Variants in IGSF11 observed in about 807,000 individuals in gnomAD.
IGSF11 encodes immunoglobulin superfamily member 11.
IGSF11 carries 22 observed loss-of-function variants against 41.0 expected under a neutral mutation model. The observed-to-expected ratio is 0.54, with a 90% CI of 0.38 to 0.77. The LOEUF is 0.77. IGSF11 is among the 30% of genes least tolerant of loss of function. IGSF11 has a pLI of 0.00. For synonymous variants in IGSF11, 219 were observed against 201.3 expected, an observed-to-expected ratio of 1.09 and a Z score of -0.74; for missense variants, 444 against 530.8, an observed-to-expected ratio of 0.84 and a Z score of 1.61.
chr3:119,140,123 A>G (rs917775220), intron 1 of IGSF11, among the ~76,000 whole-genome samples: 1 of 151,670 alleles, frequency 6.6e-6, no homozygotes, highest in African/African-American at 2.4e-5. Context: ...ATAAAATAAT[A>G]AAATAAAACA....
rs529039505 is a variant in IGSF11, at chr3:119,054,476, A to G, written c.49+50668T>C. ...TTAAGAAATGCAAGTCAAAACCACAATGTGATACCACCTTACTCCTGCAAG... is the reference window on the plus strand; with the variant it reads ...TTAAGAAATGCAAGTCAAAACCACAGTGTGATACCACCTTACTCCTGCAAG... On this transcript the variant is annotated intron_variant, in intron 1 of 6. Transcript: ENST00000354673. Among the ~76,000 whole-genome samples the G allele has an allele frequency of 1.4e-4, 22 of 152,310 alleles. No homozygotes were observed. In the South Asian group the frequency reaches 4.1e-3, roughly 29 times the overall value.
At chr3:119,088,308 C>T (rs766919935) in intron 1 of IGSF11, among the ~76,000 whole-genome samples, 5 of 151,384 alleles carry the variant, frequency 3.3e-5, no homozygotes, top group Non-Finnish European at 5.9e-5. Context: ...AATTAAACAA[C>T]TTACTTCTAA....
In IGSF11 at chr3:118,915,981, C is replaced by T. The variant is rs1285714416; in HGVS notation, c.580+10120G>A. Among the ~76,000 whole-genome samples, 13 of 135,346 alleles carry T rather than the reference C, an allele frequency of 9.6e-5. 1 individual carries two copies. The South Asian group carries it at 3.2e-3, about 33-fold the overall frequency. The allele number at this position is 135,346 out of a possible 152,430, so 88.8% of individuals were successfully genotyped here. ...ATTCTTAAAGAAAAGAATTTTCAAC[C>T]CAGAATTTCATATCCAGCCAAACTA... is the stretch of plus-strand genomic sequence containing the variant. On this transcript the variant is annotated intron_variant, in intron 4 of 6. Coordinates refer to ENST00000393775, the MANE Select transcript of IGSF11 (RefSeq NM_001015887.3).
Position 119,015,437 on chromosome 3 carries a change from G to A in IGSF11, c.52+19094C>T, listed in dbSNP as rs189253393. On this transcript the variant is annotated intron_variant, in intron 1 of 6. Coordinates refer to ENST00000393775, the MANE Select transcript of IGSF11 (RefSeq NM_001015887.3). Reference sequence around the variant, plus strand: ...AATCCGTTATAAACCTGGAGGACACGAACTAAACTGAAAGGTTATAAAAGC... The same window carrying A: ...AATCCGTTATAAACCTGGAGGACACAAACTAAACTGAAAGGTTATAAAAGC... 1.2e-4 allele frequency among the ~76,000 whole-genome samples: 19 copies of A among 152,212 alleles called. No homozygotes were observed. In the East Asian group the frequency reaches 2.7e-3, roughly 22 times the overall value.
chr3:118,931,099 A>C (rs1035347668), intron 1 of IGSF11, among the ~76,000 whole-genome samples: 1 of 152,202 alleles, frequency 6.6e-6, no homozygotes, highest in Non-Finnish European at 1.5e-5. Context: ...TTCTCAATAA[A>C]GGTACAAGAC....
chr3:119,034,008 C>T (rs1024572087), intron 1 of IGSF11, among the ~76,000 whole-genome samples: 3 of 152,106 alleles, frequency 2.0e-5, no homozygotes, highest in Admixed American at 6.5e-5. Flanking sequence ...TAAATAAATT[C>T]TTGTTTTCGA....
chr3:119,043,666 G>A (rs1941207112), intron 1 of IGSF11, among the ~76,000 whole-genome samples: 2 of 152,136 alleles, frequency 1.3e-5, no homozygotes, highest in Admixed American at 1.3e-4. Flanking sequence ...ACACACCTCT[G>A]CCACCTCCAC....
intron 1 of IGSF11, among the ~76,000 whole-genome samples, chr3:118,975,097 A>C (rs1933921699): frequency 6.6e-6 from 1 of 152,206 alleles, no homozygotes; most frequent in Admixed American, 6.5e-5. Context: ...AATTACATGA[A>C]GAACATAATG....
At chr3:119,070,468 G>A (rs775736701) in intron 1 of IGSF11, among the ~76,000 whole-genome samples, 1 of 152,142 alleles carries the variant, frequency 6.6e-6, no homozygotes, top group African/African-American at 2.4e-5. Flanking sequence ...TACTGATTAA[G>A]GATACTTCAT....
At chr3:119,029,237 TAC>T (rs10662902) in intron 1 of IGSF11, among the ~76,000 whole-genome samples, 4,663 of 122,958 alleles carry the variant, frequency 0.038, 145 homozygotes, top group African/African-American at 0.085. Context: ...CTTTTGGGAA[TAC>T]ACACACACAC....
intron 1 of IGSF11, chr3:118,949,434 G>A (rs182951217): frequency 6.6e-6 from 1 of 151,304 alleles, no homozygotes; most frequent in East Asian, 1.9e-4. Flanking sequence ...TACAACACAT[G>A]AACATATACA....
At chr3:119,094,972 A>C (rs2076826900) in intron 1 of IGSF11, among the ~76,000 whole-genome samples, 1 of 152,066 alleles carries the variant, frequency 6.6e-6, no homozygotes, top group Non-Finnish European at 1.5e-5. Flanking sequence ...GAGCCTGGAC[A>C]AGTCTCTATA....
At chr3:118,997,085 G>A (rs2107662265) in intron 1 of IGSF11, among the ~76,000 whole-genome samples, 1 of 148,192 alleles carries the variant, frequency 6.7e-6, no homozygotes, top group South Asian at 2.1e-4. Flanking sequence ...GCAACTGGTA[G>A]TAGGAGCCTG....
intron 1 of IGSF11, among the ~76,000 whole-genome samples, chr3:119,066,297 C>A (rs560283156): frequency 6.6e-6 from 1 of 152,274 alleles, no homozygotes; most frequent in Admixed American, 6.5e-5. Context: ...TGTCACCATC[C>A]AGCCCATTAT....
chr3:119,042,698 A>T (rs1243867155), intron 1 of IGSF11, among the ~76,000 whole-genome samples: 1 of 152,172 alleles, frequency 6.6e-6, no homozygotes, highest in Non-Finnish European at 1.5e-5. Flanking sequence ...TGGTAGCTGA[A>T]GACAAAAGGC....
intron 4 of IGSF11, among the ~76,000 whole-genome samples, chr3:118,913,662 C>T (rs1419671180): frequency 6.6e-6 from 1 of 151,998 alleles, no homozygotes; most frequent in Non-Finnish European, 1.5e-5. Context: ...GGTGTGTGTA[C>T]TTTACTATAA....
chr3:118,947,520 A>C (rs1254013166), intron 1 of IGSF11: 1 of 152,264 alleles, frequency 6.6e-6, no homozygotes, highest in Non-Finnish European at 1.5e-5. Flanking sequence ...GAATTTATTT[A>C]CAACAGTAAA....
At chr3:119,044,187 C>A (rs1310424819) in intron 1 of IGSF11, among the ~76,000 whole-genome samples, 1 of 151,972 alleles carries the variant, frequency 6.6e-6, no homozygotes, top group Non-Finnish European at 1.5e-5. Context: ...GAAAAAGTCT[C>A]CAGAGAAATA....
In IGSF11 at chr3:118,966,416, G is replaced by A. The variant is rs144446798; in HGVS notation, c.53-36141C>T. Among the ~76,000 whole-genome samples, 79 of 152,194 alleles carry A rather than the reference G, an allele frequency of 5.2e-4. 1 individual carries two copies. The highest frequency in any genetic ancestry group is 1.8e-3 in the African/African-American group (74 of 41,536). ...GCTCCATGTTGCTTTTTTTCTACACGACAGCACCTTTACAAGCTTGGTTAT... is the reference window on the plus strand; with the variant it reads ...GCTCCATGTTGCTTTTTTTCTACACAACAGCACCTTTACAAGCTTGGTTAT... On this transcript the variant is annotated intron_variant, in intron 1 of 6. Coordinates refer to ENST00000393775, the MANE Select transcript of IGSF11 (RefSeq NM_001015887.3).
Sources: gnomAD v4.1 joint callset for allele counts (sites outside exome capture counted in the v4.1 genomes callset) on GRCh38, gnomAD v4.1.1 for gene constraint, MANE v1.5 for transcripts, NCBI Gene and HGNC (gene_info 2026-07-23, HGNC 2026-07-21) for gene names.